The following DMD variants were observed in gnomAD, a reference collection of about 807,000 sequenced individuals.
DMD encodes mutant dystrophin.
In DMD, 63 loss-of-function variants were observed where a neutral mutation model predicts 330.1. The ratio of observed to expected loss-of-function variants is 0.19; its 90% confidence interval spans 0.16 to 0.24. DMD has a LOEUF of 0.24. Ranked by LOEUF, DMD falls within the 10% of genes least tolerant of loss-of-function variation. DMD has a pLI of 1.00. For synonymous variants in DMD, 1,223 were observed against 959.8 expected, an observed-to-expected ratio of 1.27 and a Z score of -5.07; for missense variants, 3,344 against 2,684.1, an observed-to-expected ratio of 1.25 and a Z score of -5.43.
intron 7 of DMD, among the ~76,000 whole-genome samples, chrX:32,803,967 G>C (rs1423120669): frequency 8.9e-6 from 1 of 111,809 alleles, no homozygotes; most frequent in Non-Finnish European, 1.9e-5. Context: ...ATGTCTATTA[G>C]GTCTGCTTGG....
intron 54 of DMD, among the ~76,000 whole-genome samples, chrX:31,643,592 TA>T (rs1342084294): frequency 1.8e-5 from 2 of 112,053 alleles, no homozygotes; most frequent in African/African-American, 6.5e-5. Flanking sequence ...TTTGTTTTGT[TA>T]GTGAAATATG....
chrX:31,996,934 G>A lies in DMD; in HGVS notation c.6439-28420C>T, dbSNP rs775672191. On this transcript the variant is annotated intron_variant, in intron 44 of 78. Coordinates refer to ENST00000357033, the MANE Select transcript of DMD (RefSeq NM_004006.3). ...ATCTATGGGAAGGGAAGAGGAAAGG[G>A]CAGTATGCTTTCATGAATATTAATC... 1.1e-4 allele frequency among the ~76,000 whole-genome samples: 12 copies of A among 111,625 alleles called. 1 individual carries two copies. In the South Asian group the frequency reaches 4.4e-3, roughly 41 times the overall value.
At chrX:32,526,335 A>AT (rs1029122121) in intron 17 of DMD, among the ~76,000 whole-genome samples, 1 of 111,870 alleles carries the variant, frequency 8.9e-6, no homozygotes, top group Non-Finnish European at 1.9e-5. Context: ...TGAAGCGACA[A>AT]TTTTTTTCTC....
At chrX:31,621,439 C>T (rs1333927477) in intron 55 of DMD, among the ~76,000 whole-genome samples, 1 of 111,633 alleles carries the variant, frequency 9.0e-6, no homozygotes, top group African/African-American at 3.3e-5. Context: ...AAAAACATGT[C>T]TGATTAGTCC....
rs747937552 is a variant in DMD at position 32,485,080 on chromosome X, G to A, written c.2642C>T (p.Ser881Leu). The change falls in exon 21 of 79, where the codon TCA (serine) becomes TTA (leucine). Residue 881 changes from serine (S) to leucine (L), a missense_variant. By Grantham distance (145) the Ser-to-Leu change is moderately radical (BLOSUM62 -2). Coordinates refer to ENST00000357033, the MANE Select transcript of DMD (RefSeq NM_004006.3). ...KICKDEVNRLSDLQPQIERLK... is the reference protein window; with the variant it reads ...KICKDEVNRLLDLQPQIERLK... The stretch of plus-strand genomic sequence containing the variant: ...TCGTTCAATTTGAGGTTGAAGATCT[G>A]ATAGCCGGTTGACTTCATCCTGTGC... The A allele has an allele frequency of 2.5e-6, 3 of 1,210,328 alleles. No individual in the cohort carries two copies. In the Admixed American group the frequency reaches 6.5e-5, roughly 26 times the overall value.
intron 7 of DMD, among the ~76,000 whole-genome samples, chrX:32,731,334 G>A (rs1385764018): frequency 8.9e-6 from 1 of 112,511 alleles, no homozygotes; most frequent in Non-Finnish European, 1.9e-5. Context: ...AAGGCTGGGG[G>A]AGGGGCACCC....
intron 9 of DMD, among the ~76,000 whole-genome samples, chrX:32,651,917 C>T (rs16998354): frequency 0.097 from 10,829 of 111,556 alleles, 1,195 homozygotes; most frequent in African/African-American, 0.32. Context: ...TCGAACTCTG[C>T]GCCTTCTGTT....
intron 9 of DMD, among the ~76,000 whole-genome samples, chrX:32,665,507 CAATT>C (rs771005517): frequency 3.6e-5 from 4 of 112,091 alleles, no homozygotes; most frequent in Non-Finnish European, 5.6e-5. Flanking sequence ...CTTATGTATT[CAATT>C]AATACTAAAA....
chrX:32,911,490 A>G (rs1266507382), intron 2 of DMD, among the ~76,000 whole-genome samples: 1 of 112,238 alleles, frequency 8.9e-6, no homozygotes, highest in Non-Finnish European at 1.9e-5. Context: ...TACTACTTAC[A>G]CTAAATCAAA....
intron 60 of DMD, among the ~76,000 whole-genome samples, chrX:31,431,275 G>A (rs1047376686): frequency 8.9e-6 from 1 of 111,977 alleles, no homozygotes; most frequent in East Asian, 2.8e-4. Context: ...AGAAATATAA[G>A]CTATAATTCA....
intron 23 of DMD, among the ~76,000 whole-genome samples, chrX:32,465,587 T>TTTG (rs2098399593): frequency 6.7e-5 from 4 of 59,799 alleles, no homozygotes; most frequent in Non-Finnish European, 1.2e-4. Context: ...TTTTTGTTTT[T>TTTG]TTTTTTTTTT....
At chrX:32,618,086 C>G (rs894432269) in intron 11 of DMD, among the ~76,000 whole-genome samples, 42 of 111,993 alleles carry the variant, frequency 3.8e-4, no homozygotes, top group African/African-American at 1.2e-3. Flanking sequence ...ATTATTTCAA[C>G]TATTGTTGAA....
intron 52 of DMD, among the ~76,000 whole-genome samples, chrX:31,720,529 A>G (rs1399135426): frequency 1.8e-5 from 2 of 111,953 alleles, no homozygotes; most frequent in African/African-American, 6.5e-5. Flanking sequence ...TTCTGGGCTC[A>G]TCTCTGTTTG....
At chrX:31,205,173 T>C (rs933416761) in intron 66 of DMD, among the ~76,000 whole-genome samples, 8 of 111,702 alleles carry the variant, frequency 7.2e-5, no homozygotes, top group African/African-American at 2.6e-4. Context: ...ATTTTAATCA[T>C]ACCTTATATT....
chrX:31,821,028 C>G (rs1445390594), intron 49 of DMD, among the ~76,000 whole-genome samples: 2 of 112,583 alleles, frequency 1.8e-5, no homozygotes, highest in Non-Finnish European at 3.7e-5. Flanking sequence ...TAATTTATAG[C>G]CAGCAGAATG....
intron 44 of DMD, among the ~76,000 whole-genome samples, chrX:32,176,815 C>T (rs1341632129): frequency 9.0e-6 from 1 of 111,156 alleles, no homozygotes; most frequent in Admixed American, 9.6e-5. Flanking sequence ...CTCTGACTAC[C>T]CAACCCCTCA....
intron 1 of DMD, among the ~76,000 whole-genome samples, chrX:33,306,503 G>A (rs1242636104): frequency 1.1e-4 from 12 of 110,894 alleles, no homozygotes; most frequent in Non-Finnish European, 2.1e-4. Context: ...ATGTATAGAG[G>A]GAACAACATT....
At chrX:32,491,624 A>C (rs1299590294) in intron 19 of DMD, 106 bp from the exon 20 acceptor site, 1 of 743,684 alleles carries the variant, frequency 1.3e-6, no homozygotes, top group East Asian at 3.5e-5. Context: ...CACATGAATG[A>C]TTTCAAACCA....
At chrX:32,246,277 G>A (rs1277936871) in intron 43 of DMD, among the ~76,000 whole-genome samples, 54 of 98,488 alleles carry the variant, frequency 5.5e-4, no homozygotes, top group Middle Eastern at 5.1e-3. Context: ...ATTGATTTGC[G>A]TATATTGAAC....
Sources: allele counts gnomAD v4.1 joint callset (sites outside exome capture counted in the v4.1 genomes callset), GRCh38; gene constraint gnomAD v4.1.1; transcripts MANE v1.5; gene names NCBI Gene and HGNC (gene_info 2026-07-23, HGNC 2026-07-21).